The following RASGEF1C variants were observed in gnomAD, a reference collection of about 807,000 sequenced individuals.
RASGEF1C encodes the protein ras-GEF domain-containing family member 1C.
RASGEF1C carries 27 observed loss-of-function variants against 58.1 expected under a neutral mutation model. The observed-to-expected ratio is 0.46, with a 90% CI of 0.34 to 0.64. The LOEUF is 0.64. Among genes scored for constraint, RASGEF1C ranks in the 30% least tolerant of loss-of-function variants. The pLI, the probability that RASGEF1C is intolerant of heterozygous loss-of-function variation, is 0.01. For missense variants in RASGEF1C, 502 were observed against 605.1 expected (o/e 0.83, Z 1.79); for synonymous variants, 243 against 246.3 (o/e 0.99, Z 0.13).
chr5:180,128,554 A>G lies in RASGEF1C; in HGVS notation c.495T>C (p.Ala165=). 2.5e-6 allele frequency: 4 copies of G among 1,614,028 alleles called. No individual in the cohort carries two copies. Among genetic ancestry groups the G allele is most frequent in the Non-Finnish European group, 3.4e-6 (4 of 1,179,994 alleles). ...LLQALHQKLA[A]LRQGPEGLVG... ...CCAGACCTTCTGGCCCCTGGCGCAG[A>G]GCCGCCAGCTTCTGGTGCAGAGCCT... is the stretch of plus-strand genomic sequence containing the variant. Residue 165 remains alanine (A), a synonymous_variant, in exon 5 of 14, where the codon GCT becomes GCC. Coordinates refer to ENST00000361132, the MANE Select transcript of RASGEF1C (RefSeq NM_175062.4).
intron 4 of RASGEF1C, among the ~76,000 whole-genome samples, chr5:180,134,041 C>G (rs59917820): frequency 6.6e-6 from 1 of 152,228 alleles, no homozygotes; most frequent in South Asian, 2.1e-4. Context: ...TTTCCCAGTC[C>G]GGATCTGGGT....
chr5:180,190,352 T>C lies in RASGEF1C; in HGVS notation c.-7+18676A>G, dbSNP rs188116331. On this transcript the variant is annotated intron_variant, in intron 1 of 13. Coordinates refer to ENST00000361132, the MANE Select transcript of RASGEF1C (RefSeq NM_175062.4). Reference sequence around the variant, plus strand: ...AACAAAACAAAAAATTAGCCGGGCGTGGTGGCGGGCGCCTGTAGTCCCAGC... The same window carrying C: ...AACAAAACAAAAAATTAGCCGGGCGCGGTGGCGGGCGCCTGTAGTCCCAGC... 6.8e-3 allele frequency among the ~76,000 whole-genome samples: 1,024 copies of C among 151,482 alleles called. 22 individuals are homozygous for C. The highest frequency in any genetic ancestry group is 0.038 in the Admixed American group (583 of 15,206).
chr5:180,162,086 C>T (rs1341707587), intron 1 of RASGEF1C, among the ~76,000 whole-genome samples: 6 of 152,232 alleles, frequency 3.9e-5, no homozygotes, highest in Non-Finnish European at 8.8e-5. Context: ...CCTCATGTCC[C>T]CCACGGAGCT....
chr5:180,115,840 C>T (rs2113248557), intron 10 of RASGEF1C, among the ~76,000 whole-genome samples: 1 of 152,168 alleles, frequency 6.6e-6, no homozygotes, highest in East Asian at 1.9e-4. Flanking sequence ...CGTCCTACCT[C>T]TTCCTCACTG....
At chr5:180,111,684 C>T (rs1765962414) in intron 11 of RASGEF1C, 104 bp from the exon 12 acceptor site, 2 of 1,294,784 alleles carry the variant, frequency 1.5e-6, no homozygotes, top group South Asian at 2.6e-5. Flanking sequence ...CACCCAGTGG[C>T]TTTAGGGCTC....
intron 7 of RASGEF1C, among the ~76,000 whole-genome samples, chr5:180,120,057 G>A (rs757241315): frequency 3.8e-4 from 58 of 152,088 alleles, no homozygotes; most frequent in African/African-American, 1.0e-3. Context: ...TGCAGCCAGC[G>A]GCGTGAGGGT....
At chr5:180,159,243 G>A (rs576576071) in intron 1 of RASGEF1C, among the ~76,000 whole-genome samples, 32 of 151,716 alleles carry the variant, frequency 2.1e-4, no homozygotes, top group Non-Finnish European at 3.7e-4. Flanking sequence ...AGGTTCAAGC[G>A]ATTCTCCTGC....
chr5:180,114,464 ATTGG>A lies in RASGEF1C; in HGVS notation c.1157_1160del (p.Pro386LeufsTer72). The A allele has an allele frequency of 6.2e-7, 1 of 1,612,800 alleles. No homozygotes were observed. Among genetic ancestry groups the A allele is most frequent in the East Asian group, 2.2e-5 (1 of 44,826 alleles). ...GTCCTACCTCAAAGTTGACGTGTCC[ATTGG>A]GAAGGCGGTTGGCGCAGCCCTCATT... On this transcript the variant is annotated frameshift_variant, in exon 11 of 14. Transcript: ENST00000361132. LOFTEE classifies it high-confidence loss of function.
At chr5:180,201,189 T>C (rs997547363) in intron 1 of RASGEF1C, among the ~76,000 whole-genome samples, 1 of 152,080 alleles carries the variant, frequency 6.6e-6, no homozygotes, top group African/African-American at 2.4e-5. Context: ...GCTGGGGAAC[T>C]GAAAGGAGAC....
chr5:180,128,359 G>A lies in RASGEF1C; in HGVS notation c.639+51C>T, dbSNP rs1766299607. The A allele has an allele frequency of 2.0e-6, 3 of 1,512,122 alleles. No individual in the cohort carries two copies. In the African/African-American group the frequency reaches 4.1e-5, roughly 21 times the overall value. 93.7% of individuals were successfully genotyped at this position (1,512,122 alleles called of 1,614,324 possible). A position where few individuals can be genotyped will look rare whatever the true frequency, so the allele number is the denominator to read the frequency against. ...AAGCCAGGGAGGGCACAGTGTATCT[G>A]TGTGTGTCCTGCTGAATCCCGGGTG... On this transcript the variant is annotated intron_variant, in intron 5 of 13. Transcript: ENST00000361132.
intron 1 of RASGEF1C, among the ~76,000 whole-genome samples, chr5:180,150,262 T>A (rs1349883431): frequency 6.6e-6 from 1 of 152,220 alleles, no homozygotes; most frequent in Non-Finnish European, 1.5e-5. Context: ...TATTGATAGT[T>A]CCATTTTGTT....
chr5:180,170,550 T>A (rs1767093089), intron 1 of RASGEF1C, among the ~76,000 whole-genome samples: 1 of 152,080 alleles, frequency 6.6e-6, no homozygotes, highest in Non-Finnish European at 1.5e-5. Context: ...GGTCCTCGCC[T>A]GTCCCCGCGG....
intron 1 of RASGEF1C, among the ~76,000 whole-genome samples, chr5:180,157,964 A>AT (rs1285945570): frequency 6.6e-6 from 1 of 152,240 alleles, no homozygotes; most frequent in Admixed American, 6.5e-5. Context: ...ACTCTGGGTA[A>AT]TAATGATGTA....
intron 1 of RASGEF1C, among the ~76,000 whole-genome samples, chr5:180,172,359 C>T (rs1406231915): frequency 2.0e-5 from 3 of 152,148 alleles, no homozygotes; most frequent in Non-Finnish European, 2.9e-5. Context: ...GCCACCTGGC[C>T]TGGGATGCCC....
intron 1 of RASGEF1C, among the ~76,000 whole-genome samples, chr5:180,167,350 A>G (rs1364083637): frequency 2.6e-5 from 4 of 152,146 alleles, no homozygotes; most frequent in Non-Finnish European, 5.9e-5. Flanking sequence ...CCATTCTGCT[A>G]TTAAGTCCAT....
intron 1 of RASGEF1C, among the ~76,000 whole-genome samples, chr5:180,206,344 G>C (rs1756487283): frequency 6.6e-6 from 1 of 152,148 alleles, no homozygotes; most frequent in African/African-American, 2.4e-5. Flanking sequence ...AGTTAGAAAA[G>C]TCTAAGTATG....
At chr5:180,182,056 T>A (rs1227930443) in intron 1 of RASGEF1C, among the ~76,000 whole-genome samples, 1 of 151,052 alleles carries the variant, frequency 6.6e-6, no homozygotes, top group African/African-American at 2.4e-5. Flanking sequence ...ACAAAAAAAA[T>A]TAGCCGGGCA....
At chr5:180,126,007 A>G (rs887615364) in intron 6 of RASGEF1C, among the ~76,000 whole-genome samples, 104 of 152,294 alleles carry the variant, frequency 6.8e-4, no homozygotes, top group African/African-American at 2.4e-3. Flanking sequence ...GGACACACAA[A>G]TGTTCATCTA....
At position 180,137,787 on chromosome 5, in the gene RASGEF1C, A is replaced by G. The variant is rs1467045635; in HGVS notation, c.178-75T>C. ...GGGCATGCTTCCCAGCTGGCCCTGT[A>G]CCCTGGCCCAAGGTCACGCCCAACC... On this transcript the variant is annotated intron_variant, in intron 2 of 13. Transcript: ENST00000361132. The surrounding 1 kb of genome is among the most constrained non-coding windows in gnomAD (Gnocchi z 4.1). 1.9e-6 allele frequency: 3 copies of G among 1,604,708 alleles called. No homozygotes were observed. The East Asian group carries it at 6.7e-5, about 36-fold the overall frequency.
Sources: gnomAD v4.1 joint callset for allele counts (sites outside exome capture counted in the v4.1 genomes callset) on GRCh38, gnomAD v4.1.1 for gene constraint, Gnocchi (gnomAD v3.1) non-coding constraint, MANE v1.5 for transcripts, NCBI Gene and HGNC (gene_info 2026-07-23, HGNC 2026-07-21) for gene names.